The following HIVEP3 variants were observed in gnomAD, a reference collection of about 807,000 sequenced individuals.
The protein encoded by HIVEP3 is HIVEP zinc finger 3, also known as transcription factor HIVEP3.
Under a neutral mutation model 152.8 loss-of-function variants are expected in HIVEP3, and 49 were observed. That is an observed-to-expected ratio of 0.32 (90% confidence interval 0.26 to 0.41). HIVEP3 has a LOEUF of 0.41. HIVEP3 is among the 10% of genes least tolerant of loss of function. The probability of loss-of-function intolerance (pLI) is 1.00; values close to 1 mark genes in which losing one functional copy is unlikely to be tolerated. For synonymous variants in HIVEP3, 1,269 were observed against 1,289.0 expected (o/e 0.98, Z 0.33); for missense variants, 2,790 against 3,103.3 (o/e 0.90, Z 2.40).
At chr1:41,688,625 A>C (rs1646148097) in intron 2 of HIVEP3, among the ~76,000 whole-genome samples, 1 of 152,228 alleles carries the variant, frequency 6.6e-6, no homozygotes. Context: ...CTACACTGTA[A>C]CATAGGGAGA....
chr1:41,725,287 G>A (rs1013495490), intron 1 of HIVEP3, among the ~76,000 whole-genome samples: 2 of 152,162 alleles, frequency 1.3e-5, no homozygotes, highest in Admixed American at 1.3e-4. Context: ...CTTATCAGCC[G>A]ATGTCTCCTC....
intron 7 of HIVEP3, 62 bp downstream of exon 7, chr1:41,518,340 G>A: frequency 7.2e-7 from 1 of 1,395,006 alleles, no homozygotes. Context: ...AGCAGGAAAG[G>A]TGGAGGAGGA....
chr1:41,637,412 A>C (rs77776018), intron 2 of HIVEP3, among the ~76,000 whole-genome samples: 4,160 of 152,320 alleles, frequency 0.027, 199 homozygotes, highest in African/African-American at 0.096. Flanking sequence ...TATGTGACGT[A>C]CAAGCTTCAG....
Position 41,581,502 on chromosome 1 carries a change from G to C in HIVEP3, c.3296C>G (p.Pro1099Arg). The change falls in exon 4 of 9, where the codon CCG (proline) becomes CGG (arginine). Residue 1099 changes from proline (P) to arginine (R), a missense_variant. Physicochemically the swap from Pro to Arg is moderately radical, Grantham distance 103. Around this residue, in one of 9 missense-constraint regions of HIVEP3, gnomAD observed 1,078 missense variants for 1,165.3 expected, o/e 0.93. Coordinates refer to ENST00000372583, the MANE Select transcript of HIVEP3 (RefSeq NM_024503.5). This position sits in a 1 kb window ranked among gnomAD's most constrained non-coding sequence, Gnocchi z 4.5. ...GTCCTGCCCTGGGCCCTTGCCTCCC[G>C]GGGGTCCACCATGTGAGGTGGCCGC... ...SSAATSHGGP[P>R]GGKGPGQDRP... is the part of the protein sequence containing the mutation. 6.3e-7 allele frequency: 1 copy of C among 1,577,548 alleles called. No homozygotes were observed. Among genetic ancestry groups the C allele is most frequent in the Non-Finnish European group, 8.6e-7 (1 of 1,162,418 alleles).
chr1:41,909,682 T>C (rs973320009), intron 1 of HIVEP3, among the ~76,000 whole-genome samples: 1 of 152,070 alleles, frequency 6.6e-6, no homozygotes, highest in Non-Finnish European at 1.5e-5. Flanking sequence ...CACAGAACAT[T>C]ATGAAAAGTG....
Position 41,511,373 on chromosome 1 carries a change from TC to T in HIVEP3, c.6406-108del. 1 of 1,046,864 alleles carries T rather than the reference TC, an allele frequency of 9.6e-7. No individual in the cohort carries two copies. Among genetic ancestry groups the T allele is most frequent in the Non-Finnish European group, 1.4e-6 (1 of 739,722 alleles). 64.8% of individuals were successfully genotyped at this position (1,046,864 alleles called of 1,614,324 possible). ...GACTCGCCCAAGATCACAGAGCGAG[TC>T]CAGGGTCCCGGCTGAGCTGAGCCCA... is the stretch of plus-strand genomic sequence containing the variant. On this transcript the variant is annotated intron_variant, in intron 8 of 8. Coordinates refer to ENST00000372583, the MANE Select transcript of HIVEP3 (RefSeq NM_024503.5). The surrounding 1 kb of genome is among the most constrained non-coding windows in gnomAD (Gnocchi z 4.9).
intron 3 of HIVEP3, among the ~76,000 whole-genome samples, chr1:41,622,221 C>T (rs1296483514): frequency 6.6e-6 from 1 of 152,166 alleles, no homozygotes; most frequent in Non-Finnish European, 1.5e-5. Flanking sequence ...ACAGATGGAA[C>T]TTGCATATAT....
intron 1 of HIVEP3, among the ~76,000 whole-genome samples, chr1:41,835,542 A>G (rs1643096237): frequency 6.6e-6 from 1 of 152,256 alleles, no homozygotes; most frequent in African/African-American, 2.4e-5. Flanking sequence ...TTTTAAAGTA[A>G]CACGATTCAG....
At chr1:41,815,271 C>T (rs963860375) in intron 1 of HIVEP3, among the ~76,000 whole-genome samples, 1 of 152,068 alleles carries the variant, frequency 6.6e-6, no homozygotes. Flanking sequence ...GCCAGGAGTT[C>T]AAGACCTGCC....
intron 3 of HIVEP3, among the ~76,000 whole-genome samples, chr1:41,612,572 T>C (rs1644913619): frequency 6.6e-6 from 1 of 152,252 alleles, no homozygotes; most frequent in African/African-American, 2.4e-5. Context: ...GGAAAGTGGC[T>C]GGGCTGGATC....
intron 1 of HIVEP3, among the ~76,000 whole-genome samples, chr1:41,794,793 T>G (rs1649893891): frequency 6.6e-6 from 1 of 152,234 alleles, no homozygotes. Context: ...AAGAATTTTT[T>G]TAACTTTTAA....
At chr1:41,936,520 C>T (rs962847357) in intron 1 of HIVEP3, among the ~76,000 whole-genome samples, 15 of 152,170 alleles carry the variant, frequency 9.9e-5, no homozygotes, top group Admixed American at 9.8e-4. Context: ...GTCTACTCCA[C>T]TTAAGAAGGT....
intron 1 of HIVEP3, among the ~76,000 whole-genome samples, chr1:41,816,592 T>C (rs561640611): frequency 6.6e-6 from 1 of 152,200 alleles, no homozygotes; most frequent in South Asian, 2.1e-4. Flanking sequence ...GACATGAGGA[T>C]TGCTTGAACC....
intron 1 of HIVEP3, among the ~76,000 whole-genome samples, chr1:41,861,289 C>T (rs1417548157): frequency 1.3e-5 from 2 of 152,164 alleles, no homozygotes; most frequent in African/African-American, 4.8e-5. Context: ...GCACACTGCA[C>T]CAGGCCAAGC....
chr1:41,609,627 C>T (rs1345510547), intron 3 of HIVEP3, among the ~76,000 whole-genome samples: 1 of 152,262 alleles, frequency 6.6e-6, no homozygotes, highest in East Asian at 1.9e-4. Flanking sequence ...TAAGACCCTT[C>T]AGCCTCCCCA....
chr1:42,001,593 T>A (rs1011119378), intron 1 of HIVEP3, among the ~76,000 whole-genome samples: 6 of 152,208 alleles, frequency 3.9e-5, no homozygotes, highest in African/African-American at 1.4e-4. Context: ...GACCCTGGGC[T>A]GGGCCCCGAA....
intron 1 of HIVEP3, among the ~76,000 whole-genome samples, chr1:41,725,197 C>T (rs929098786): frequency 6.6e-6 from 1 of 152,198 alleles, no homozygotes; most frequent in Non-Finnish European, 1.5e-5. Flanking sequence ...AGAGGCACCT[C>T]TCATGCTGTG....
intron 2 of HIVEP3, among the ~76,000 whole-genome samples, chr1:41,668,572 A>C (rs1645829798): frequency 1.3e-5 from 2 of 152,174 alleles, no homozygotes; most frequent in African/African-American, 4.8e-5. Flanking sequence ...ACATAATGTG[A>C]ATTTGGATAC....
At chr1:41,621,226 C>T (rs1341462014) in intron 3 of HIVEP3, among the ~76,000 whole-genome samples, 1 of 152,244 alleles carries the variant, frequency 6.6e-6, no homozygotes, top group Non-Finnish European at 1.5e-5. Context: ...GGCCTTGACC[C>T]CCTTCAGCCT....
Sources: gnomAD v4.1 joint callset for allele counts (sites outside exome capture counted in the v4.1 genomes callset) on GRCh38, gnomAD v4.1.1 for gene constraint, gnomAD v4.1.1 regional missense constraint, Gnocchi (gnomAD v3.1) non-coding constraint, MANE v1.5 for transcripts, NCBI Gene and HGNC (gene_info 2026-07-23, HGNC 2026-07-21) for gene names.